Variants in SEZ6L observed in about 807,000 individuals in gnomAD.
The protein encoded by SEZ6L is seizure related 6 homolog like, also known as seizure 6-like protein.
A neutral mutation model predicts 106.2 loss-of-function variants in SEZ6L; 37 were observed. The observed-to-expected ratio is 0.35, with a 90% CI of 0.27 to 0.46. The LOEUF (loss-of-function observed/expected upper bound fraction) is 0.46, where lower values mean the gene tolerates loss of function less well. Ranked by LOEUF, SEZ6L falls within the 20% of genes least tolerant of loss-of-function variation. SEZ6L has a pLI of 1.00. For synonymous variants in SEZ6L, 541 were observed against 570.4 expected (o/e 0.95, Z 0.73); for missense variants, 1,172 against 1,332.8 (o/e 0.88, Z 1.88).
Position 26,382,052 on chromosome 22 carries a change from G to A in SEZ6L, c.*1757G>A, listed in dbSNP as rs746731545. Reference sequence around the variant, plus strand: ...GCAGGAACTCAGACTTCAATCTTGGGGGTCTAAGACCAGAATATTTTCCTT... The same window carrying A: ...GCAGGAACTCAGACTTCAATCTTGGAGGTCTAAGACCAGAATATTTTCCTT... On this transcript the variant is annotated 3_prime_UTR_variant, in exon 17 of 17. Coordinates refer to ENST00000248933, the MANE Select transcript of SEZ6L (RefSeq NM_021115.5). The A allele has an allele frequency of 1.7e-5, 9 of 518,506 alleles. No individual in the cohort carries two copies. In the Admixed American group the frequency reaches 1.7e-4, roughly 10 times the overall value. 32.1% of individuals were successfully genotyped at this position (518,506 alleles called of 1,614,324 possible). A position where few individuals can be genotyped will look rare whatever the true frequency, so the allele number is the denominator to read the frequency against.
At chr22:26,187,042 C>A (rs1939829370) in intron 1 of SEZ6L, among the ~76,000 whole-genome samples, 1 of 152,194 alleles carries the variant, frequency 6.6e-6, no homozygotes, top group African/African-American at 2.4e-5. Flanking sequence ...CTCTTCTAGC[C>A]TCTCCGCTAA....
chr22:26,370,341 A>C (rs2083987609), intron 13 of SEZ6L, among the ~76,000 whole-genome samples: 1 of 152,088 alleles, frequency 6.6e-6, no homozygotes, highest in Non-Finnish European at 1.5e-5. Flanking sequence ...GCTGAGATCG[A>C]GCCACTGCAC....
At chr22:26,296,776 C>A in intron 3 of SEZ6L, 112 bp from the exon 4 acceptor site, 1 of 898,306 alleles carries the variant, frequency 1.1e-6, no homozygotes, top group Non-Finnish European at 1.6e-6. Flanking sequence ...GTCCCGTTGA[C>A]CAGGGGCTAG....
At chr22:26,226,758 G>A (rs2078646101) in intron 1 of SEZ6L, among the ~76,000 whole-genome samples, 1 of 152,190 alleles carries the variant, frequency 6.6e-6, no homozygotes, top group Non-Finnish European at 1.5e-5. Context: ...CTGGCCAATG[G>A]GATGTAAGCA....
chr22:26,323,026 G>A (rs971981501), intron 9 of SEZ6L, among the ~76,000 whole-genome samples: 5 of 152,342 alleles, frequency 3.3e-5, no homozygotes, highest in East Asian at 1.9e-4. Context: ...TAGAAGATCC[G>A]AGAGGGGCCC....
rs533788042 is a variant in SEZ6L at position 26,362,628 on chromosome 22, G to T, written c.2600-2744G>T. On this transcript the variant is annotated intron_variant, in intron 12 of 16. Coordinates refer to ENST00000248933, the MANE Select transcript of SEZ6L (RefSeq NM_021115.5). The stretch of plus-strand genomic sequence containing the variant: ...TCACCTCCTCACCGCATTGCTGGAC[G>T]CATTGCTGGGCATGAAGTAAGCACT... Among the ~76,000 whole-genome samples the T allele has an allele frequency of 3.9e-5, 6 of 152,278 alleles. No individual in the cohort carries two copies. The South Asian group carries it at 1.2e-3, about 32-fold the overall frequency.
chr22:26,271,749 T>C (rs1486820717), intron 1 of SEZ6L, among the ~76,000 whole-genome samples: 1 of 152,236 alleles, frequency 6.6e-6, no homozygotes, highest in Non-Finnish European at 1.5e-5. Context: ...GGCACCATGC[T>C]TTCTGTACAG....
At chr22:26,297,493 G>A (rs2081334489) in intron 4 of SEZ6L, among the ~76,000 whole-genome samples, 1 of 152,112 alleles carries the variant, frequency 6.6e-6, no homozygotes, top group Non-Finnish European at 1.5e-5. Context: ...TCAGTTTGTT[G>A]CCAGGAAAAT....
In SEZ6L at chr22:26,375,641, T is replaced by C. The variant is rs867145612; in HGVS notation, c.2894T>C (p.Val965Ala). 1.2e-6 allele frequency: 2 copies of C among 1,614,182 alleles called. No individual in the cohort carries two copies. Among genetic ancestry groups the C allele is most frequent in the Non-Finnish European group, 1.7e-6 (2 of 1,180,026 alleles). The change falls in exon 15 of 17, where the codon GTC becomes GCC. Residue 965 changes from valine to alanine, a missense_variant. By Grantham distance (64) the Val-to-Ala change is moderately conservative. Transcript: ENST00000248933. ...ATGGCCCTGGCTATCTTCATCCCGG[T>C]CCTCATCATCTCCTTACTGCTGGGA... ...GNMALAIFIPVLIISLLLGGA... is the reference protein window; with the variant it reads ...GNMALAIFIPALIISLLLGGA...
intron 1 of SEZ6L, among the ~76,000 whole-genome samples, chr22:26,223,336 A>G (rs1442623029): frequency 6.6e-6 from 1 of 152,238 alleles, no homozygotes; most frequent in Non-Finnish European, 1.5e-5. Flanking sequence ...TGATATTTCA[A>G]GTGTTGTTCT....
chr22:26,218,936 T>C (rs1002499033), intron 1 of SEZ6L, among the ~76,000 whole-genome samples: 1 of 150,548 alleles, frequency 6.6e-6, no homozygotes, highest in African/African-American at 2.4e-5. Flanking sequence ...AGACTCTGTC[T>C]CAAAAAAAAA....
chr22:26,245,567 G>C (rs1276136888), intron 1 of SEZ6L, among the ~76,000 whole-genome samples: 1 of 152,144 alleles, frequency 6.6e-6, no homozygotes, highest in Non-Finnish European at 1.5e-5. Flanking sequence ...GTGATGACTT[G>C]CAATATTGTT....
chr22:26,286,371 T>C (rs2080933170), intron 1 of SEZ6L, among the ~76,000 whole-genome samples: 1 of 152,214 alleles, frequency 6.6e-6, no homozygotes, highest in South Asian at 2.1e-4. Flanking sequence ...ATTTATTTCA[T>C]TTAAGAAAGT....
Position 26,342,690 on chromosome 22 carries a change from G to A in SEZ6L, c.2212+2058G>A, listed in dbSNP as rs761237996. Among the ~76,000 whole-genome samples the A allele has an allele frequency of 6.1e-5, 9 of 146,372 alleles. No homozygotes were observed. In the East Asian group the frequency reaches 8.2e-4, roughly 13 times the overall value. On this transcript the variant is annotated intron_variant, in intron 10 of 16. Coordinates refer to ENST00000248933, the MANE Select transcript of SEZ6L (RefSeq NM_021115.5). ...AGCCTGGGTGATAGAGCGAGACTCC[G>A]TCTCAAAGAAAAAAGAAAAAAGAAA...
chr22:26,269,450 G>T (rs906871507), intron 1 of SEZ6L, among the ~76,000 whole-genome samples: 1 of 152,160 alleles, frequency 6.6e-6, no homozygotes, highest in Non-Finnish European at 1.5e-5. Context: ...AGAAGGTATT[G>T]CTAACACCAC....
intron 11 of SEZ6L, among the ~76,000 whole-genome samples, chr22:26,348,574 GAAAGAAAGAAA>G (rs1601574026): frequency 1.1e-5 from 1 of 87,512 alleles, no homozygotes; most frequent in African/African-American, 6.1e-5. Context: ...AGGAAAGAAA[GAAAGAAAGAAA>G]GAGAAAGAAA....
intron 9 of SEZ6L, among the ~76,000 whole-genome samples, chr22:26,337,281 C>T (rs958162633): frequency 2.0e-5 from 3 of 152,108 alleles, no homozygotes; most frequent in South Asian, 2.1e-4. Flanking sequence ...AAAGAGTTGC[C>T]GTATGGTTTT....
Position 26,311,950 on chromosome 22 carries a change from C to A in SEZ6L, c.1864C>A (p.Pro622Thr), listed in dbSNP as rs756943882. The part of the protein sequence containing the change: ...VRDPYWNDTE[P>T]LCRAMCGGEL... ...GGACCCATACTGGAATGACACAGAG[C>A]CCCTGTGCAGAGGTGAGCGGATCCA... Residue 622 changes from proline to threonine, a missense_variant, in exon 8 of 17, where the codon CCC becomes ACC. Pro to Thr is a conservative substitution (Grantham distance 38). Around this residue, in one of 4 missense-constraint regions of SEZ6L, gnomAD observed 534 missense variants for 691.0 expected, o/e 0.77. Transcript: ENST00000248933. The A allele has an allele frequency of 6.2e-7, 1 of 1,613,816 alleles. No homozygotes were observed. Among genetic ancestry groups the A allele is most frequent in the Non-Finnish European group, 8.5e-7 (1 of 1,179,938 alleles).
chr22:26,273,822 G>C (rs2080450944), intron 1 of SEZ6L, among the ~76,000 whole-genome samples: 1 of 152,200 alleles, frequency 6.6e-6, no homozygotes, highest in Admixed American at 6.5e-5. Context: ...GGGTGGGGTA[G>C]GATGGGATAG....
Sources: allele counts gnomAD v4.1 joint callset (sites outside exome capture counted in the v4.1 genomes callset), GRCh38; gene constraint gnomAD v4.1.1; regional missense constraint gnomAD v4.1.1; transcripts MANE v1.5; gene names NCBI Gene and HGNC (gene_info 2026-07-23, HGNC 2026-07-21).